MRPS33: variants seen among roughly 807,000 people sequenced by gnomAD.
The protein encoded by MRPS33 is mitochondrial ribosomal protein S33, also known as small ribosomal subunit protein mS33.
A neutral mutation model predicts 11.2 loss-of-function variants in MRPS33; 11 were observed. The observed-to-expected ratio is 0.99, with a 90% CI of 0.62 to 1.63. The LOEUF (loss-of-function observed/expected upper bound fraction) is 1.63. MRPS33 is among the 40% of genes most tolerant of loss of function. The pLI, the probability that MRPS33 is intolerant of heterozygous loss-of-function variation, is 0.00. For missense variants in MRPS33, 109 were observed against 127.8 expected, an observed-to-expected ratio of 0.85 and a Z score of 0.71; for synonymous variants, 46 against 44.0, an observed-to-expected ratio of 1.05 and a Z score of -0.18.
Position 141,005,653 on chromosome 7 carries a change from A to G in MRPS33, c.*777T>C, listed in dbSNP as rs1791839437. ...GTGTGAGCAACAGCGCCTGGCTTAAATATCATTTCTTTAGGGAAGCTTTCT... is the reference window on the plus strand; with the variant it reads ...GTGTGAGCAACAGCGCCTGGCTTAAGTATCATTTCTTTAGGGAAGCTTTCT... On this transcript the variant is annotated 3_prime_UTR_variant, in exon 3 of 3. Transcript: ENST00000324787. The G allele has an allele frequency of 6.6e-6, 1 of 152,208 alleles. No homozygotes were observed. The highest frequency in any genetic ancestry group is 2.4e-5 in the African/African-American group (1 of 41,448). 9.4% of individuals were successfully genotyped at this position (152,208 alleles called of 1,614,324 possible). A position where few individuals can be genotyped will look rare whatever the true frequency, so the allele number is the denominator to read the frequency against.
chr7:141,004,754 T>G lies in MRPS33; in HGVS notation c.*1676A>C, dbSNP rs1044447768. On this transcript the variant is annotated 3_prime_UTR_variant, in exon 3 of 3. Transcript: ENST00000324787. ...GTTGGAAAAAAAAATCAGAGAAGCC[T>G]TCACAATTTTTTTTTTGAGACAGAG... 6 of 152,110 alleles carry G rather than the reference T, an allele frequency of 3.9e-5. No homozygotes were observed. The highest frequency in any genetic ancestry group is 1.4e-4 in the African/African-American group (6 of 41,424). The allele number at this position is 152,110 out of a possible 1,614,324, so 9.4% of individuals were successfully genotyped here. A position where few individuals can be genotyped will look rare whatever the true frequency, so the allele number is the denominator to read the frequency against.
intron 1 of MRPS33, among the ~76,000 whole-genome samples, chr7:141,011,572 C>T (rs566655461): frequency 4.6e-5 from 7 of 152,132 alleles, no homozygotes; most frequent in South Asian, 2.1e-4. Context: ...TTAGACCAGA[C>T]GTAGGGGTTA....
In MRPS33 at chr7:141,010,644, G is replaced by A. The variant is rs1563068291; in HGVS notation, c.-11C>T. On this transcript the variant is annotated 5_prime_UTR_variant, in exon 2 of 3. Transcript: ENST00000324787. ...TGAAAGGGAGGACATTTCTTGAGTGGCAAGGAGTTAGAGTTCCTATTGAAA... is the reference window on the plus strand; with the variant it reads ...TGAAAGGGAGGACATTTCTTGAGTGACAAGGAGTTAGAGTTCCTATTGAAA... 1.2e-6 allele frequency: 2 copies of A among 1,611,134 alleles called. No homozygotes were observed. The highest frequency in any genetic ancestry group is 1.7e-6 in the Non-Finnish European group (2 of 1,177,420).
chr7:141,008,801 A>AT lies in MRPS33; in HGVS notation c.215+1617dup, dbSNP rs10550694. 2.5e-3 allele frequency among the ~76,000 whole-genome samples: 351 copies of AT among 137,870 alleles called. 3 individuals carry two copies. Among genetic ancestry groups the AT allele is most frequent in the Middle Eastern group, 0.011 (3 of 278 alleles). 90.4% of individuals were successfully genotyped at this position (137,870 alleles called of 152,430 possible). On this transcript the variant is annotated intron_variant, in intron 2 of 2. Coordinates refer to ENST00000324787, the MANE Select transcript of MRPS33 (RefSeq NM_053035.3). ...TATTAGTTTGGTAATTAAAAAAATA[A>AT]TTTTTTTTTTTTTTTTTGAGACCGA... is the stretch of plus-strand genomic sequence containing the variant.
chr7:141,008,857 C>T (rs1170342343), intron 2 of MRPS33, among the ~76,000 whole-genome samples: 3 of 150,456 alleles, frequency 2.0e-5, no homozygotes, highest in Non-Finnish European at 2.9e-5. Flanking sequence ...TGCAGTGGCA[C>T]GATCTCGGCT....
intron 2 of MRPS33, among the ~76,000 whole-genome samples, chr7:141,007,480 ATTC>A (rs1820561539): frequency 6.6e-6 from 1 of 152,194 alleles, no homozygotes; most frequent in African/African-American, 2.4e-5. Flanking sequence ...AGCTGGTATA[ATTC>A]TTCTAAAATA....
chr7:141,007,755 C>T (rs988593178), intron 2 of MRPS33, among the ~76,000 whole-genome samples: 1 of 152,156 alleles, frequency 6.6e-6, no homozygotes, highest in Non-Finnish European at 1.5e-5. Context: ...GCTTAAACCT[C>T]AACTCCTCAA....
intron 1 of MRPS33, among the ~76,000 whole-genome samples, 153 bp from the exon 2 acceptor site, chr7:141,010,813 C>T (rs1820658765): frequency 6.6e-6 from 1 of 152,196 alleles, no homozygotes; most frequent in Admixed American, 6.5e-5. Context: ...ATCCACAGTC[C>T]AAATGGCTAT....
In MRPS33 at chr7:141,010,548, T is replaced by G. The variant is rs1371332887; in HGVS notation, c.86A>C (p.Lys29Thr). The G allele has an allele frequency of 7.4e-6, 12 of 1,614,166 alleles. No individual in the cohort carries two copies. Among genetic ancestry groups the G allele is most frequent in the Non-Finnish European group, 1.0e-5 (12 of 1,180,028 alleles). ...AAACAGTTTCACCACTTTCATAGAC[T>G]TGGAATTAGTAGGCCTGGTGACTTC... is the stretch of plus-strand genomic sequence containing the variant. ...FGEVTRPTNS[K>T]SMKVVKLFSE... is the part of the protein sequence containing the mutation. Residue 29 changes from lysine (K) to threonine (T), a missense_variant, in exon 2 of 3, where the codon AAG becomes ACG. Physicochemically the swap from Lys to Thr is moderately conservative, Grantham distance 78 (BLOSUM62 -1). Transcript: ENST00000324787.
intron 2 of MRPS33, among the ~76,000 whole-genome samples, chr7:141,006,846 C>T (rs1392383271): frequency 6.6e-6 from 1 of 152,156 alleles, no homozygotes; most frequent in Non-Finnish European, 1.5e-5. Context: ...CCCCAAATTT[C>T]CCTGCAACAC....
chr7:141,013,753 CAAATT>C (rs562300586), intron 1 of MRPS33, among the ~76,000 whole-genome samples: 8 of 152,188 alleles, frequency 5.3e-5, no homozygotes, highest in Non-Finnish European at 7.4e-5. Flanking sequence ...CTGAGCAAAA[CAAATT>C]AAGCCCACAT....
At chr7:141,012,410 C>T (rs1820698078) in intron 1 of MRPS33, among the ~76,000 whole-genome samples, 1 of 152,036 alleles carries the variant, frequency 6.6e-6, no homozygotes, top group South Asian at 2.1e-4. Context: ...TTTGCCAACT[C>T]TGGTTGGGGG....
intron 2 of MRPS33, 139 bp from the exon 3 acceptor site, chr7:141,006,674 T>A (rs750950179): frequency 1.4e-6 from 1 of 711,028 alleles, no homozygotes; most frequent in Non-Finnish European, 2.4e-6. Context: ...CTCAGCTTGG[T>A]GAACAAAAAG....
Position 141,006,119 on chromosome 7 carries a change from C to T in MRPS33, c.*311G>A. 2.9e-6 allele frequency: 1 copy of T among 343,252 alleles called. No homozygotes were observed. Among genetic ancestry groups the T allele is most frequent in the Non-Finnish European group, 5.4e-6 (1 of 184,840 alleles). 21.3% of individuals were successfully genotyped at this position (343,252 alleles called of 1,614,324 possible). On this transcript the variant is annotated 3_prime_UTR_variant, in exon 3 of 3. Transcript: ENST00000324787. ...TAGGATGCTCACTTAATGAGGTTTCCCCTCCATTCCCCCAGCATCCCATCC... is the reference window on the plus strand; with the variant it reads ...TAGGATGCTCACTTAATGAGGTTTCTCCTCCATTCCCCCAGCATCCCATCC...
intron 2 of MRPS33, among the ~76,000 whole-genome samples, chr7:141,008,209 T>C (rs1287152309): frequency 3.9e-5 from 6 of 152,348 alleles, no homozygotes; most frequent in African/African-American, 7.2e-5. Context: ...TGTTTTTCTA[T>C]GGATAACTAT....
At chr7:141,014,207 A>G (rs1459292390) in intron 1 of MRPS33, 1 of 152,230 alleles carries the variant, frequency 6.6e-6, no homozygotes, top group Non-Finnish European at 1.5e-5. Flanking sequence ...TGTGAAGCTA[A>G]TATGCAAAAT....
Position 141,002,952 on chromosome 7 carries a change from A to G in MRPS33, c.*3478T>C, listed in dbSNP as rs575399212. 1 of 152,392 alleles carries G rather than the reference A, an allele frequency of 6.6e-6. No homozygotes were observed. Among genetic ancestry groups the G allele is most frequent in the South Asian group, 2.1e-4 (1 of 4,834 alleles). 9.4% of individuals were successfully genotyped at this position (152,392 alleles called of 1,614,324 possible). A position where few individuals can be genotyped will look rare whatever the true frequency, so the allele number is the denominator to read the frequency against. On this transcript the variant is annotated 3_prime_UTR_variant, in exon 3 of 3. Coordinates refer to ENST00000324787, the MANE Select transcript of MRPS33 (RefSeq NM_053035.3). ...ATGTAAAAGTTTTTAACTTTTTATAATTTACAGAGTTCTTTTCACAAATAT... is the reference window on the plus strand; with the variant it reads ...ATGTAAAAGTTTTTAACTTTTTATAGTTTACAGAGTTCTTTTCACAAATAT...
At chr7:141,013,105 A>G (rs1205377660) in intron 1 of MRPS33, among the ~76,000 whole-genome samples, 1 of 152,126 alleles carries the variant, frequency 6.6e-6, no homozygotes, top group African/African-American at 2.4e-5. Context: ...GATACTCCAT[A>G]TAGTAAAAAC....
chr7:141,010,583 C>T lies in MRPS33; in HGVS notation c.51G>A (p.Arg17=), dbSNP rs147370144. 1.9e-6 allele frequency: 3 copies of T among 1,614,048 alleles called. No homozygotes were observed. Among genetic ancestry groups the T allele is most frequent in the African/African-American group, 1.3e-5 (1 of 74,898 alleles). The part of the protein sequence containing the change: ...YAFRMSRLSA[R]LFGEVTRPTN... ...TAGGCCTGGTGACTTCACCAAATAGCCGGGCACTGAGACGAGACATGCGGA... is the reference window on the plus strand; with the variant it reads ...TAGGCCTGGTGACTTCACCAAATAGTCGGGCACTGAGACGAGACATGCGGA... Residue 17 remains arginine, a synonymous_variant, in exon 2 of 3, where the codon CGG becomes CGA. Coordinates refer to ENST00000324787, the MANE Select transcript of MRPS33 (RefSeq NM_053035.3).
Sources: gnomAD v4.1 joint callset for allele counts (sites outside exome capture counted in the v4.1 genomes callset) on GRCh38, gnomAD v4.1.1 for gene constraint, MANE v1.5 for transcripts, NCBI Gene and HGNC (gene_info 2026-07-23, HGNC 2026-07-21) for gene names.